RHBDD1: variants seen among roughly 807,000 people sequenced by gnomAD.
The protein encoded by RHBDD1 is rhomboid domain containing 1, also known as rhomboid-related protein 4.
Under a neutral mutation model 36.3 loss-of-function variants are expected in RHBDD1, and 38 were observed. That is an observed-to-expected ratio of 1.05 (90% confidence interval 0.81 to 1.37). RHBDD1 has a LOEUF of 1.37. RHBDD1 is among the 40% of genes most tolerant of loss of function. The probability of loss-of-function intolerance (pLI) is 0.00; values close to 1 mark genes in which losing one functional copy is unlikely to be tolerated. For missense variants in RHBDD1, 393 were observed against 377.6 expected (o/e 1.04, Z -0.34); for synonymous variants, 151 against 136.5 (o/e 1.11, Z -0.74).
chr2:226,825,563 T>C, the RHBDD1 span, among the ~76,000 whole-genome samples: 1 of 152,176 alleles, frequency 6.6e-6, no homozygotes, highest in Non-Finnish European at 1.5e-5. Context: ...AAGGAATACA[T>C]CATTCAAAAT....
chr2:226,928,781 GAAGATTCAAAT>G lies in RHBDD1; in HGVS notation c.856+14434_856+14444del, dbSNP rs1406533184. On this transcript the variant is annotated intron_variant, in intron 8 of 8. Coordinates refer to ENST00000392062, the MANE Select transcript of RHBDD1 (RefSeq NM_001167608.3). ...CTATCTTAACCATGAAAAGAAGAGAGAAGATTCAAATAAGCTGAATTAGAAATGAAAATGGA... is the reference window on the plus strand; with the variant it reads ...CTATCTTAACCATGAAAAGAAGAGAGAAGCTGAATTAGAAATGAAAATGGA... 2.6e-4 allele frequency among the ~76,000 whole-genome samples: 40 copies of G among 151,922 alleles called. 1 individual carries two copies. The highest frequency in any genetic ancestry group is 2.6e-3 in the Admixed American group (40 of 15,224).
intron 3 of RHBDD1, among the ~76,000 whole-genome samples, chr2:226,847,964 T>C (rs912584338): frequency 3.9e-5 from 6 of 152,246 alleles, no homozygotes; most frequent in Admixed American, 2.0e-4. Flanking sequence ...GCCAGAATCC[T>C]AGCCAGCCAG....
intron 8 of RHBDD1, among the ~76,000 whole-genome samples, chr2:226,989,462 T>A (rs1345882724): frequency 1.3e-5 from 2 of 152,208 alleles, no homozygotes; most frequent in Non-Finnish European, 2.9e-5. Context: ...TATCCTCATA[T>A]CTTGATCTGG....
Position 226,995,582 on chromosome 2 carries a change from C to G in RHBDD1, c.*60C>G, listed in dbSNP as rs1441242204. 5 of 1,129,030 alleles carry G rather than the reference C, an allele frequency of 4.4e-6. No individual in the cohort carries two copies. The African/African-American group carries it at 7.7e-5, about 17-fold the overall frequency. The allele number at this position is 1,129,030 out of a possible 1,614,324, so 69.9% of individuals were successfully genotyped here. Reference sequence around the variant, plus strand: ...AATTATTGCCCATTTGGCTCATTCCCCAAGCCCCTAATTCATTTTAATTCA... The same window carrying G: ...AATTATTGCCCATTTGGCTCATTCCGCAAGCCCCTAATTCATTTTAATTCA... On this transcript the variant is annotated 3_prime_UTR_variant, in exon 9 of 9. Coordinates refer to ENST00000392062, the MANE Select transcript of RHBDD1 (RefSeq NM_001167608.3).
At chr2:226,835,527 G>A (rs1940873971), upstream of RHBDD1, 1 of 152,254 alleles carries the variant, frequency 6.6e-6, no homozygotes. Context: ...TCCTGAAGCA[G>A]GAGAGTGTCT....
intron 8 of RHBDD1, among the ~76,000 whole-genome samples, chr2:226,971,721 G>T (rs1953544680): frequency 6.6e-6 from 1 of 151,948 alleles, no homozygotes; most frequent in African/African-American, 2.4e-5. Context: ...GTTTCTTTTG[G>T]TTTGTTTTCT....
chr2:226,851,592 A>G (rs1942818843), intron 3 of RHBDD1, among the ~76,000 whole-genome samples: 1 of 151,990 alleles, frequency 6.6e-6, no homozygotes, highest in Non-Finnish European at 1.5e-5. Context: ...CAAGTTTCCA[A>G]ATTGCCTGGG....
At chr2:226,908,637 G>T in intron 6 of RHBDD1, 185 bp from the exon 7 acceptor site, 1 of 512,656 alleles carries the variant, frequency 2.0e-6, no homozygotes, top group Non-Finnish European at 3.4e-6. Flanking sequence ...TTCCCTGTAG[G>T]GACACACACA....
At chr2:226,807,664 G>A in the RHBDD1 span, 1 of 152,290 alleles carries the variant, frequency 6.6e-6, no homozygotes. Context: ...GGGGAGAATA[G>A]GAAGAAGCAC....
chr2:226,838,258 T>C (rs1221854361), intron 2 of RHBDD1, 104 bp downstream of exon 2: 1 of 152,228 alleles, frequency 6.6e-6, no homozygotes, highest in Admixed American at 6.5e-5. Context: ...CAGATAAACA[T>C]AAGTCACTTT....
the RHBDD1 span, chr2:226,800,353 G>A: frequency 6.6e-6 from 1 of 152,276 alleles, no homozygotes; most frequent in African/African-American, 2.4e-5. Context: ...TTTTCTAAAG[G>A]ACTTCTGGGC....
At chr2:226,888,623 T>C (rs1946432245) in intron 5 of RHBDD1, among the ~76,000 whole-genome samples, 2 of 152,160 alleles carry the variant, frequency 1.3e-5, no homozygotes, top group African/African-American at 4.8e-5. Flanking sequence ...TTTTTTTTCT[T>C]TTTAAGGTGT....
intron 8 of RHBDD1, among the ~76,000 whole-genome samples, chr2:226,927,571 G>T (rs1294114536): frequency 1.3e-5 from 2 of 151,950 alleles, no homozygotes; most frequent in Admixed American, 6.6e-5. Flanking sequence ...CTAAGTGTTT[G>T]TACCAGTTTT....
chr2:226,886,782 A>G (rs982923000), intron 5 of RHBDD1, among the ~76,000 whole-genome samples: 1 of 152,216 alleles, frequency 6.6e-6, no homozygotes, highest in Non-Finnish European at 1.5e-5. Context: ...AGAATACTAC[A>G]TATCAAACCT....
At chr2:226,810,444 G>A in the RHBDD1 span, among the ~76,000 whole-genome samples, 1 of 148,072 alleles carries the variant, frequency 6.8e-6, no homozygotes, top group African/African-American at 2.5e-5. Flanking sequence ...TGAGGCTGAG[G>A]CAGGAGAATC....
the RHBDD1 span, among the ~76,000 whole-genome samples, chr2:226,825,532 A>C: frequency 3.9e-5 from 6 of 152,350 alleles, no homozygotes; most frequent in East Asian, 9.6e-4. Context: ...TTCCTAAAAT[A>C]GAAAAATGTA....
intron 7 of RHBDD1, among the ~76,000 whole-genome samples, chr2:226,911,796 G>C (rs1263853720): frequency 6.6e-6 from 1 of 151,904 alleles, no homozygotes; most frequent in Admixed American, 6.6e-5. Flanking sequence ...TCCTTCTCCT[G>C]TTCTAAATAT....
chr2:226,884,035 C>T (rs773718904), intron 5 of RHBDD1, among the ~76,000 whole-genome samples: 2 of 152,020 alleles, frequency 1.3e-5, no homozygotes, highest in Non-Finnish European at 2.9e-5. Context: ...TTTTAGGAGA[C>T]ACTATTGGAG....
At chr2:226,810,532 C>T in the RHBDD1 span, among the ~76,000 whole-genome samples, 1 of 84,664 alleles carries the variant, frequency 1.2e-5, no homozygotes, top group Non-Finnish European at 2.0e-5. Context: ...AAGAGCAAGA[C>T]TCCGTCTCAA....
Sources: gnomAD v4.1 joint callset for allele counts (sites outside exome capture counted in the v4.1 genomes callset) on GRCh38, gnomAD v4.1.1 for gene constraint, MANE v1.5 for transcripts, NCBI Gene and HGNC (gene_info 2026-07-23, HGNC 2026-07-21) for gene names.